The following RGS6 variants were observed in gnomAD, a reference collection of about 807,000 sequenced individuals.
The protein encoded by RGS6 is regulator of G-protein signaling 6.
A neutral mutation model predicts 78.5 loss-of-function variants in RGS6; 30 were observed. The observed-to-expected ratio is 0.38, with a 90% CI of 0.29 to 0.52. The LOEUF (loss-of-function observed/expected upper bound fraction) is 0.52. Among genes scored for constraint, RGS6 ranks in the 20% least tolerant of loss-of-function variants. RGS6 has a pLI of 0.85. For missense variants in RGS6, 495 were observed against 609.7 expected (o/e 0.81, Z 1.98); for synonymous variants, 206 against 206.0 (o/e 1.00, Z 0.00).
intron 2 of RGS6, among the ~76,000 whole-genome samples, chr14:72,188,211 A>G (rs2097273590): frequency 1.3e-5 from 2 of 152,208 alleles, no homozygotes; most frequent in African/African-American, 2.4e-5. Context: ...TGAATCAACA[A>G]TATATACTCA....
intron 2 of RGS6, among the ~76,000 whole-genome samples, chr14:72,008,088 T>G (rs978960328): frequency 2.0e-5 from 3 of 152,170 alleles, no homozygotes; most frequent in African/African-American, 4.8e-5. Flanking sequence ...TAGGCCTTAA[T>G]TAGAGACCAA....
intron 2 of RGS6, among the ~76,000 whole-genome samples, chr14:72,092,866 C>T (rs781080397): frequency 1.9e-4 from 29 of 152,144 alleles, no homozygotes; most frequent in Non-Finnish European, 3.7e-4. Context: ...TAAAGTATGT[C>T]AACTGAAGTC....
chr14:72,220,812 C>T (rs1044050093), intron 2 of RGS6, among the ~76,000 whole-genome samples: 2 of 152,164 alleles, frequency 1.3e-5, no homozygotes, highest in Non-Finnish European at 2.9e-5. Context: ...TGCTCTGATT[C>T]TGTGACTTAT....
chr14:72,264,312 G>A (rs1348220428), intron 2 of RGS6, among the ~76,000 whole-genome samples: 1 of 152,204 alleles, frequency 6.6e-6, no homozygotes. Context: ...AGCACTTTAA[G>A]CAGCACTTTC....
At chr14:72,166,072 C>T (rs1051246371) in intron 2 of RGS6, among the ~76,000 whole-genome samples, 1 of 149,894 alleles carries the variant, frequency 6.7e-6, no homozygotes, top group African/African-American at 2.5e-5. Flanking sequence ...TTCAAACCAT[C>T]CCTTCTAGTC....
chr14:72,247,378 A>G (rs752691231), intron 2 of RGS6, among the ~76,000 whole-genome samples: 6 of 152,110 alleles, frequency 3.9e-5, no homozygotes, highest in Non-Finnish European at 8.8e-5. Context: ...CAGCTCTTCT[A>G]CTCCTGCAAA....
chr14:72,282,780 A>G (rs1033953314), intron 2 of RGS6, among the ~76,000 whole-genome samples: 25 of 152,190 alleles, frequency 1.6e-4, no homozygotes, highest in African/African-American at 6.0e-4. Flanking sequence ...GTGTGGTAGA[A>G]CACTTAACAT....
At chr14:72,204,729 A>T (rs1486228908) in intron 2 of RGS6, among the ~76,000 whole-genome samples, 1 of 152,154 alleles carries the variant, frequency 6.6e-6, no homozygotes, top group Non-Finnish European at 1.5e-5. Context: ...CTCTGTTCCC[A>T]TGAGCTAATC....
chr14:72,245,150 T>A (rs568657258), intron 2 of RGS6, among the ~76,000 whole-genome samples: 1 of 152,230 alleles, frequency 6.6e-6, no homozygotes, highest in Non-Finnish European at 1.5e-5. Flanking sequence ...GGGGCCCCTA[T>A]AACAAAAGAC....
intron 3 of RGS6, among the ~76,000 whole-genome samples, chr14:72,359,791 A>G (rs550181186): frequency 3.3e-5 from 5 of 152,366 alleles, no homozygotes; most frequent in Admixed American, 1.3e-4. Flanking sequence ...GTGACCTACT[A>G]TAGCTATGCT....
At chr14:72,621,495 C>T in the RGS6 span, among the ~76,000 whole-genome samples, 115 of 152,340 alleles carry the variant, frequency 7.5e-4, 1 homozygote, top group African/African-American at 2.6e-3. Context: ...GTTGGAATCC[C>T]CAGGGAGCAA....
the RGS6 span, among the ~76,000 whole-genome samples, chr14:72,587,886 A>T: frequency 2.6e-5 from 4 of 152,134 alleles, no homozygotes; most frequent in African/African-American, 9.7e-5. Context: ...TTGCTTCACA[A>T]ATCCTGCAGC....
At chr14:71,974,986 G>T (rs942873408) in intron 2 of RGS6, among the ~76,000 whole-genome samples, 1 of 152,104 alleles carries the variant, frequency 6.6e-6, no homozygotes, top group South Asian at 2.1e-4. Context: ...CAAAAAGAAA[G>T]AAATAAAATA....
the RGS6 span, among the ~76,000 whole-genome samples, chr14:71,886,865 G>A: frequency 9.9e-5 from 15 of 151,978 alleles, no homozygotes; most frequent in African/African-American, 3.4e-4. Context: ...CTCAATGCAA[G>A]AGATGCTGAG....
the RGS6 span, among the ~76,000 whole-genome samples, chr14:72,610,175 T>A: frequency 1.3e-5 from 2 of 152,162 alleles, no homozygotes; most frequent in African/African-American, 4.8e-5. Flanking sequence ...CAGGTTTGCT[T>A]CGTATCTGCA....
chr14:72,051,907 C>A (rs2093270954), intron 2 of RGS6, among the ~76,000 whole-genome samples: 1 of 152,094 alleles, frequency 6.6e-6, no homozygotes, highest in Non-Finnish European at 1.5e-5. Context: ...CTTCCTGCAA[C>A]CCTAATCTCC....
intron 2 of RGS6, among the ~76,000 whole-genome samples, chr14:72,351,831 T>C (rs2079154185): frequency 1.3e-5 from 2 of 152,204 alleles, no homozygotes; most frequent in Admixed American, 6.5e-5. Flanking sequence ...AGAATCCTAA[T>C]GTATTTCTTC....
chr14:71,890,379 A>AGAGAGAGAGC, the RGS6 span, among the ~76,000 whole-genome samples: 1 of 151,738 alleles, frequency 6.6e-6, no homozygotes, highest in Admixed American at 6.6e-5. Context: ...AGAGAGAGAG[A>AGAGAGAGAGC]GAGAGAGAGA....
At chr14:72,090,227 A>G (rs1054884672) in intron 2 of RGS6, among the ~76,000 whole-genome samples, 4 of 152,140 alleles carry the variant, frequency 2.6e-5, no homozygotes, top group African/African-American at 4.8e-5. Context: ...TTGTTGGACA[A>G]AGTTAGTAAT....
Sources: gnomAD v4.1 joint callset for allele counts (sites outside exome capture counted in the v4.1 genomes callset) on GRCh38, gnomAD v4.1.1 for gene constraint, MANE v1.5 for transcripts, NCBI Gene and HGNC (gene_info 2026-07-23, HGNC 2026-07-21) for gene names.